Variants in FSHR observed in about 807,000 individuals in gnomAD.
The protein encoded by FSHR is follicle-stimulating hormone receptor.
A neutral mutation model predicts 52.1 loss-of-function variants in FSHR; 46 were observed. That is an observed-to-expected ratio of 0.88 (90% confidence interval 0.70 to 1.13). The LOEUF is 1.13. Ranked by LOEUF, FSHR falls within the 50% of genes most tolerant of loss-of-function variation. The probability of loss-of-function intolerance (pLI) is 0.00; values close to 1 mark genes in which losing one functional copy is unlikely to be tolerated. For synonymous variants in FSHR, 399 were observed against 309.6 expected, an observed-to-expected ratio of 1.29 and a Z score of -3.03; for missense variants, 964 against 834.6, an observed-to-expected ratio of 1.16 and a Z score of -1.91.
intron 3 of FSHR, among the ~76,000 whole-genome samples, chr2:49,019,569 A>T (rs75566022): frequency 0.046 from 7,034 of 152,296 alleles, 553 homozygotes; most frequent in African/African-American, 0.16. Context: ...TCAGTATGCT[A>T]GATTTAATTG....
chr2:49,093,096 T>C (rs193186633), intron 1 of FSHR, among the ~76,000 whole-genome samples: 7 of 152,374 alleles, frequency 4.6e-5, no homozygotes, highest in Non-Finnish European at 1.0e-4. Flanking sequence ...TTTTCATCCA[T>C]ATTCATGAAG....
intron 2 of FSHR, among the ~76,000 whole-genome samples, chr2:49,022,080 G>A (rs1038004046): frequency 6.6e-6 from 1 of 151,310 alleles, no homozygotes; most frequent in Non-Finnish European, 1.5e-5. Flanking sequence ...CACAGGTAGA[G>A]AATAAGGCAT....
chr2:49,088,075 C>A (rs66905128), intron 1 of FSHR, among the ~76,000 whole-genome samples: 34,483 of 151,900 alleles, frequency 0.23, 4,006 homozygotes, highest in South Asian at 0.26. Flanking sequence ...AGATGAGGGC[C>A]CTGAGCTGAG....
chr2:49,075,115 G>C (rs1470451210), intron 1 of FSHR, among the ~76,000 whole-genome samples: 1 of 152,106 alleles, frequency 6.6e-6, no homozygotes, highest in Non-Finnish European at 1.5e-5. Context: ...ATAATCTCTA[G>C]TGTTCTATAT....
At chr2:49,136,480 A>G (rs1672493474) in intron 1 of FSHR, among the ~76,000 whole-genome samples, 1 of 152,146 alleles carries the variant, frequency 6.6e-6, no homozygotes, top group Non-Finnish European at 1.5e-5. Flanking sequence ...TCTTCCCAAA[A>G]GTAAAAAGAA....
chr2:49,111,562 A>G (rs1324677232), intron 1 of FSHR, among the ~76,000 whole-genome samples: 2 of 152,290 alleles, frequency 1.3e-5, no homozygotes, highest in East Asian at 3.9e-4. Context: ...GGTGAAAAAT[A>G]TACTTTTCCT....
intron 2 of FSHR, among the ~76,000 whole-genome samples, chr2:49,038,258 CAA>C (rs1668342797): frequency 6.6e-6 from 1 of 151,924 alleles, no homozygotes; most frequent in African/African-American, 2.4e-5. Flanking sequence ...CCAGAAGAAA[CAA>C]ATAGAGTTTA....
At chr2:49,008,326 T>G (rs1667144486) in intron 4 of FSHR, among the ~76,000 whole-genome samples, 2 of 141,994 alleles carry the variant, frequency 1.4e-5, no homozygotes, top group African/African-American at 5.2e-5. Flanking sequence ...GGTTTCCAAT[T>G]TCATACATGT....
At chr2:49,109,988 G>A (rs1427382450) in intron 1 of FSHR, among the ~76,000 whole-genome samples, 1 of 152,120 alleles carries the variant, frequency 6.6e-6, no homozygotes, top group Non-Finnish European at 1.5e-5. Context: ...GAGAGCACCT[G>A]AGAGGCAGGG....
intron 1 of FSHR, among the ~76,000 whole-genome samples, chr2:49,069,804 G>T (rs960172872): frequency 1.3e-5 from 2 of 152,126 alleles, no homozygotes; most frequent in Admixed American, 1.3e-4. Flanking sequence ...CTGATTAATA[G>T]GGATTTGGTT....
Position 49,068,298 on chromosome 2 carries a change from G to A in FSHR, c.153-8C>T, listed in dbSNP as rs1669588013. On this transcript the variant is annotated splice_polypyrimidine_tract_variant and splice_region_variant and intron_variant, in intron 1 of 9. Transcript: ENST00000406846. Reference sequence around the variant, plus strand: ...TTGGTGAGGACAAACCTCCTGCAAAGAGAGTAGAAATAAAATATCACAACC... The same window carrying A: ...TTGGTGAGGACAAACCTCCTGCAAAAAGAGTAGAAATAAAATATCACAACC... The A allele has an allele frequency of 6.2e-7, 1 of 1,609,326 alleles. No homozygotes were observed. The highest frequency in any genetic ancestry group is 8.5e-7 in the Non-Finnish European group (1 of 1,176,564).
intron 2 of FSHR, among the ~76,000 whole-genome samples, chr2:49,067,751 T>G (rs1389630613): frequency 1.3e-5 from 2 of 152,128 alleles, no homozygotes; most frequent in African/African-American, 4.8e-5. Flanking sequence ...CTGTAAACTT[T>G]CCTAGTACTT....
intron 4 of FSHR, chr2:48,997,119 A>C (rs1432458302): frequency 1.7e-6 from 1 of 595,294 alleles, no homozygotes; most frequent in Non-Finnish European, 2.1e-6. Context: ...CTTAAGGTTT[A>C]GAGACCCTGG....
intron 2 of FSHR, among the ~76,000 whole-genome samples, chr2:49,040,951 C>T (rs964900412): frequency 6.6e-5 from 10 of 152,048 alleles, no homozygotes; most frequent in Admixed American, 5.2e-4. Flanking sequence ...CACTGGTATG[C>T]GATTTGGAAT....
intron 1 of FSHR, among the ~76,000 whole-genome samples, chr2:49,141,364 G>C (rs1672681500): frequency 6.6e-6 from 1 of 152,082 alleles, no homozygotes; most frequent in Admixed American, 6.5e-5. Context: ...GCTGGCATCT[G>C]CTTGGCTTCT....
chr2:49,014,841 T>C (rs1007809390), intron 4 of FSHR: 2 of 457,210 alleles, frequency 4.4e-6, no homozygotes, highest in Non-Finnish European at 8.9e-6. Context: ...TGAAAGTGTC[T>C]CTGGGGATGC....
At chr2:48,995,847 A>AT (rs142889441) in intron 4 of FSHR, among the ~76,000 whole-genome samples, 3,668 of 151,560 alleles carry the variant, frequency 0.024, 148 homozygotes, top group African/African-American at 0.083. Context: ...CAAGGAAAAC[A>AT]TTTTTTTTTA....
chr2:48,971,472 A>C (rs1451078413), intron 8 of FSHR, among the ~76,000 whole-genome samples: 2 of 152,200 alleles, frequency 1.3e-5, no homozygotes, highest in East Asian at 3.8e-4. Context: ...TCCTAGGGTT[A>C]GTAGTGGTTA....
chr2:49,023,335 C>G (rs1286560529), intron 2 of FSHR, among the ~76,000 whole-genome samples: 2 of 151,886 alleles, frequency 1.3e-5, no homozygotes, highest in East Asian at 3.9e-4. Context: ...TAGTTAGTGC[C>G]CAATAAATGA....
Sources: allele counts gnomAD v4.1 joint callset (sites outside exome capture counted in the v4.1 genomes callset), GRCh38; gene constraint gnomAD v4.1.1; transcripts MANE v1.5; gene names NCBI Gene and HGNC (gene_info 2026-07-23, HGNC 2026-07-21).